The following CACNA2D1 variants were observed in gnomAD, a reference collection of about 807,000 sequenced individuals.
CACNA2D1 encodes the protein calcium voltage-gated channel auxiliary subunit alpha2delta 1.
Under a neutral mutation model 171.5 loss-of-function variants are expected in CACNA2D1, and 53 were observed. The ratio of observed to expected loss-of-function variants is 0.31; its 90% CI spans 0.25 to 0.39. CACNA2D1 has a LOEUF of 0.39. Ranked by LOEUF, CACNA2D1 falls within the 10% of genes least tolerant of loss-of-function variation. The pLI is 1.00. For synonymous variants in CACNA2D1, 442 were observed against 443.1 expected (o/e 1.00, Z 0.03); for missense variants, 903 against 1,299.8 (o/e 0.69, Z 4.69).
At chr7:82,375,990 AGGTGTTCCAAAG>A (rs1004620711) in intron 1 of CACNA2D1, among the ~76,000 whole-genome samples, 4 of 152,132 alleles carry the variant, frequency 2.6e-5, no homozygotes, top group African/African-American at 4.8e-5. Context: ...GATAGAAAAT[AGGTGTTCCAAAG>A]GGCATCTTCA....
intron 4 of CACNA2D1, among the ~76,000 whole-genome samples, chr7:82,144,065 C>T (rs1310432293): frequency 1.3e-5 from 2 of 152,202 alleles, no homozygotes; most frequent in Middle Eastern, 3.4e-3. Flanking sequence ...TGTATTCCAT[C>T]TCTCTATTTC....
intron 12 of CACNA2D1, among the ~76,000 whole-genome samples, chr7:82,032,377 C>T (rs1458921078): frequency 6.6e-6 from 1 of 151,696 alleles, no homozygotes; most frequent in African/African-American, 2.4e-5. Context: ...CAAAACAATA[C>T]TTAGACATTT....
chr7:82,424,657 T>C (rs577455916), intron 1 of CACNA2D1, among the ~76,000 whole-genome samples: 1 of 152,346 alleles, frequency 6.6e-6, no homozygotes, highest in South Asian at 2.1e-4. Flanking sequence ...ATGGTATAAA[T>C]TGGCTTAAAC....
intron 7 of CACNA2D1, among the ~76,000 whole-genome samples, chr7:82,080,057 G>GTA (rs34773288): frequency 0.77 from 114,992 of 148,574 alleles, 44,645 homozygotes; most frequent in Middle Eastern, 0.84. Flanking sequence ...ATATATGTGT[G>GTA]TATATATATA....
At chr7:82,318,117 A>G (rs1174375370) in intron 3 of CACNA2D1, among the ~76,000 whole-genome samples, 1 of 152,104 alleles carries the variant, frequency 6.6e-6, no homozygotes, top group Non-Finnish European at 1.5e-5. Flanking sequence ...CAAATGATAT[A>G]CTTCACTTTT....
rs372392557 is a variant in CACNA2D1 at position 82,016,634 on chromosome 7, T to C, written c.1144-2155A>G. On this transcript the variant is annotated intron_variant, in intron 12 of 38. Transcript: ENST00000356860. The stretch of plus-strand genomic sequence containing the variant: ...CGCCCCCCCCCCCCAAAAAAAAAGC[T>C]TGTTGCTTTATTTATTTTGCTATAA... 8.5e-5 allele frequency among the ~76,000 whole-genome samples: 10 copies of C among 117,330 alleles called. No homozygotes were observed. The East Asian group carries it at 1.8e-3, about 22-fold the overall frequency. The allele number at this position is 117,330 out of a possible 152,430, so 77.0% of individuals were successfully genotyped here. A position where few individuals can be genotyped will look rare whatever the true frequency, so the allele number is the denominator to read the frequency against.
chr7:82,405,892 CT>C (rs1826976292), intron 1 of CACNA2D1, among the ~76,000 whole-genome samples: 1 of 151,772 alleles, frequency 6.6e-6, no homozygotes, highest in Non-Finnish European at 1.5e-5. Context: ...GGGGACAAAT[CT>C]TTTTTTATAT....
intron 3 of CACNA2D1, among the ~76,000 whole-genome samples, chr7:82,278,753 C>A (rs1326511265): frequency 6.6e-6 from 1 of 151,750 alleles, no homozygotes; most frequent in Non-Finnish European, 1.5e-5. Flanking sequence ...TAATTGAATC[C>A]CCACATTTTT....
chr7:82,424,869 G>GA (rs1829036631), intron 1 of CACNA2D1, among the ~76,000 whole-genome samples: 1 of 152,212 alleles, frequency 6.6e-6, no homozygotes, highest in Non-Finnish European at 1.5e-5. Context: ...CCAAATCTGT[G>GA]AGCACGTAAA....
chr7:82,079,402 T>C (rs911065084), intron 7 of CACNA2D1, among the ~76,000 whole-genome samples: 2 of 151,920 alleles, frequency 1.3e-5, no homozygotes, highest in Admixed American at 1.3e-4. Flanking sequence ...TCTAAAAAAG[T>C]CTATCTTAGC....
chr7:82,237,335 T>A (rs958960412), intron 3 of CACNA2D1, among the ~76,000 whole-genome samples: 5 of 151,888 alleles, frequency 3.3e-5, no homozygotes, highest in Non-Finnish European at 7.4e-5. Context: ...TAAAGCTAGA[T>A]CAGCAAATTT....
At chr7:82,172,308 A>G (rs577284949) in intron 3 of CACNA2D1, among the ~76,000 whole-genome samples, 1 of 152,182 alleles carries the variant, frequency 6.6e-6, no homozygotes, top group South Asian at 2.1e-4. Flanking sequence ...ACTTTTAGAA[A>G]CTCAACTTCA....
At chr7:82,353,226 A>T (rs942058834) in intron 1 of CACNA2D1, among the ~76,000 whole-genome samples, 5 of 152,104 alleles carry the variant, frequency 3.3e-5, no homozygotes, top group African/African-American at 4.8e-5. Flanking sequence ...AGCTCAACAG[A>T]AATTCTGAAG....
intron 13 of CACNA2D1, among the ~76,000 whole-genome samples, chr7:82,013,948 ATTCT>A (rs1163389958): frequency 4.6e-5 from 7 of 151,994 alleles, no homozygotes; most frequent in Non-Finnish European, 1.0e-4. Context: ...CAGTAACATC[ATTCT>A]TTCTGAGTGA....
At chr7:82,039,114 A>T (rs558836638) in intron 10 of CACNA2D1, among the ~76,000 whole-genome samples, 1 of 152,198 alleles carries the variant, frequency 6.6e-6, no homozygotes, top group African/African-American at 2.4e-5. Context: ...ACATCTGCAG[A>T]ATGGGAATAA....
At chr7:82,114,451 TTAAAG>T (rs939190906) in intron 6 of CACNA2D1, among the ~76,000 whole-genome samples, 61 of 152,196 alleles carry the variant, frequency 4.0e-4, no homozygotes, top group African/African-American at 1.4e-3. Flanking sequence ...ACAGAGAACA[TTAAAG>T]TAAAGAGGGC....
intron 3 of CACNA2D1, among the ~76,000 whole-genome samples, chr7:82,291,611 T>C (rs1811629843): frequency 1.4e-5 from 2 of 144,212 alleles, no homozygotes; most frequent in Non-Finnish European, 3.0e-5. Context: ...AAAATATATA[T>C]AAAATCTATA....
intron 1 of CACNA2D1, among the ~76,000 whole-genome samples, chr7:82,352,233 G>A (rs1819931097): frequency 6.6e-6 from 1 of 152,022 alleles, no homozygotes; most frequent in African/African-American, 2.4e-5. Context: ...AAATACTTAG[G>A]CACTCTGCCT....
chr7:82,041,058 G>T (rs1303049368), intron 10 of CACNA2D1, among the ~76,000 whole-genome samples: 2 of 146,342 alleles, frequency 1.4e-5, no homozygotes, highest in Admixed American at 6.9e-5. Context: ...GGTTGGGGGG[G>T]TGGGGAGGGC....
Sources: gnomAD v4.1 joint callset for allele counts (sites outside exome capture counted in the v4.1 genomes callset) on GRCh38, gnomAD v4.1.1 for gene constraint, MANE v1.5 for transcripts, NCBI Gene and HGNC (gene_info 2026-07-23, HGNC 2026-07-21) for gene names.